OLFM4: variants seen among roughly 807,000 people sequenced by gnomAD.
OLFM4 encodes olfactomedin-4.
Under a neutral mutation model 25.5 loss-of-function variants are expected in OLFM4, and 22 were observed. The ratio of observed to expected loss-of-function variants is 0.86; its 90% CI spans 0.62 to 1.23. OLFM4 has a LOEUF of 1.23. Among genes scored for constraint, OLFM4 ranks in the 50% most tolerant of loss-of-function variants. The pLI is 0.00. For missense variants in OLFM4, 594 were observed against 619.4 expected, an observed-to-expected ratio of 0.96 and a Z score of 0.44; for synonymous variants, 255 against 237.7, an observed-to-expected ratio of 1.07 and a Z score of -0.67.
At chr13:53,039,317 G>A (rs1348200310) in intron 2 of OLFM4, among the ~76,000 whole-genome samples, 1 of 152,140 alleles carries the variant, frequency 6.6e-6, no homozygotes, top group Non-Finnish European at 1.5e-5. Context: ...AAGGTTTTAT[G>A]CCTGAGTTTT....
At chr13:53,034,593 A>G in intron 2 of OLFM4, 93 bp downstream of exon 2, 1 of 1,064,308 alleles carries the variant, frequency 9.4e-7, no homozygotes, top group Non-Finnish European at 1.3e-6. Flanking sequence ...ATTCTTCACT[A>G]TCAAAGACAT....
Position 53,029,471 on chromosome 13 carries a change from C to A in OLFM4, c.204+431C>A, listed in dbSNP as rs369829368. Among the ~76,000 whole-genome samples the A allele has an allele frequency of 1.8e-4, 27 of 152,276 alleles. No homozygotes were observed. In the South Asian group the frequency reaches 5.0e-3, roughly 28 times the overall value. On this transcript the variant is annotated intron_variant, in intron 1 of 4. Coordinates refer to ENST00000219022, the MANE Select transcript of OLFM4 (RefSeq NM_006418.5). ...TGTTAGGGAAAGACTCTGTGAGTTG[C>A]AGCTCTGGGAAGTTTGTCCAGTTGT...
At chr13:53,044,432 A>T (rs566138020) in intron 4 of OLFM4, among the ~76,000 whole-genome samples, 7 of 152,266 alleles carry the variant, frequency 4.6e-5, no homozygotes, top group African/African-American at 1.7e-4. Context: ...CAATCCTCAC[A>T]CCTGCTTTCT....
At chr13:53,030,666 C>T (rs964084949) in intron 1 of OLFM4, among the ~76,000 whole-genome samples, 1 of 152,184 alleles carries the variant, frequency 6.6e-6, no homozygotes, top group African/African-American at 2.4e-5. Flanking sequence ...GATGTGAAAA[C>T]TAAGGCTTAT....
At chr13:53,029,511 G>A (rs546347306) in intron 1 of OLFM4, among the ~76,000 whole-genome samples, 1 of 152,318 alleles carries the variant, frequency 6.6e-6, no homozygotes, top group South Asian at 2.1e-4. Context: ...CTGCCTGGCA[G>A]GATCCCGGAA....
Position 53,050,302 on chromosome 13 carries a change from C to G in OLFM4, c.1064C>G (p.Thr355Ser), listed in dbSNP as rs1954740032. Residue 355 changes from threonine (T) to serine (S), a missense_variant, in exon 5 of 5, where the codon ACC becomes AGC. Transcript: ENST00000219022. ...AATATTGCCAGAGTTAACCTGACCA[C>G]CAACACGATTGCTGTGACTCAAACT... ...TGNIARVNLT[T>S]NTIAVTQTLP... 5 of 1,614,064 alleles carry G rather than the reference C, an allele frequency of 3.1e-6. No individual in the cohort carries two copies. Among genetic ancestry groups the G allele is most frequent in the Non-Finnish European group, 4.2e-6 (5 of 1,179,970 alleles).
intron 2 of OLFM4, among the ~76,000 whole-genome samples, chr13:53,038,530 G>A (rs1006589390): frequency 1.3e-5 from 2 of 152,116 alleles, no homozygotes; most frequent in African/African-American, 2.4e-5. Context: ...TTTTGTGTGT[G>A]CATATATATC....
intron 1 of OLFM4, among the ~76,000 whole-genome samples, chr13:53,030,616 A>T (rs1954624392): frequency 6.6e-6 from 1 of 152,128 alleles, no homozygotes; most frequent in African/African-American, 2.4e-5. Context: ...TATCTTATTT[A>T]ACCCTAAGAG....
At chr13:53,047,118 T>C (rs2138241696) in intron 4 of OLFM4, among the ~76,000 whole-genome samples, 1 of 152,366 alleles carries the variant, frequency 6.6e-6, no homozygotes. Context: ...AATGATTCAA[T>C]GGTCTTTCAG....
rs1205284202 is a variant in OLFM4, at chr13:53,050,137, T to G, written c.899T>G (p.Leu300Trp). Residue 300 changes from leucine (L) to tryptophan (W), a missense_variant, in exon 5 of 5, where the codon TTG becomes TGG. Coordinates refer to ENST00000219022, the MANE Select transcript of OLFM4 (RefSeq NM_006418.5). ...VAPLNTDGRL[L>W]EYYRLYNTLD... The stretch of plus-strand genomic sequence containing the variant: ...CCATTGAATACAGATGGGAGACTGT[T>G]GGAGTATTATAGACTGTACAACACA... The G allele has an allele frequency of 6.2e-7, 1 of 1,614,030 alleles. No homozygotes were observed. The highest frequency in any genetic ancestry group is 1.7e-5 in the Admixed American group (1 of 59,998).
At chr13:53,029,319 G>A (rs73192475) in intron 1 of OLFM4, among the ~76,000 whole-genome samples, 1,958 of 152,160 alleles carry the variant, frequency 0.013, 19 homozygotes, top group African/African-American at 0.016. Flanking sequence ...ATGGGTGGCC[G>A]GGGGGACTCT....
Position 53,045,037 on chromosome 13 carries a change from C to G in OLFM4, c.730+1773C>G, listed in dbSNP as rs576375151. On this transcript the variant is annotated intron_variant, in intron 4 of 4. Transcript: ENST00000219022. ...GGAGAAGACGTGGATGGTAAGAACG[C>G]TGCTTTTCCTGAGGCCACACAAGTA... 4.6e-5 allele frequency among the ~76,000 whole-genome samples: 7 copies of G among 152,232 alleles called. No homozygotes were observed. The South Asian group carries it at 1.5e-3, about 32-fold the overall frequency.
At chr13:53,035,903 A>C (rs1257256032) in intron 2 of OLFM4, among the ~76,000 whole-genome samples, 1 of 152,220 alleles carries the variant, frequency 6.6e-6, no homozygotes, top group Non-Finnish European at 1.5e-5. Context: ...AATCAATTAG[A>C]AAAGTTCCTA....
chr13:53,047,407 G>A (rs964621526), intron 4 of OLFM4, among the ~76,000 whole-genome samples: 4 of 152,094 alleles, frequency 2.6e-5, no homozygotes, highest in Non-Finnish European at 2.9e-5. Flanking sequence ...GCCCGCCATA[G>A]CATTTTTCCT....
chr13:53,029,520 A>G (rs1349732200), intron 1 of OLFM4, among the ~76,000 whole-genome samples: 2 of 152,176 alleles, frequency 1.3e-5, no homozygotes, highest in Admixed American at 6.5e-5. Flanking sequence ...AGGATCCCGG[A>G]ATGGTGAACA....
At chr13:53,034,571 T>G (rs1010010146) in intron 2 of OLFM4, 71 bp downstream of exon 2, 11 of 1,342,770 alleles carry the variant, frequency 8.2e-6, no homozygotes, top group Non-Finnish European at 9.2e-6. Flanking sequence ...ATTTAGGATT[T>G]TATAAGCAAT....
At chr13:53,039,491 T>A (rs78044128) in intron 2 of OLFM4, among the ~76,000 whole-genome samples, 3,485 of 152,258 alleles carry the variant, frequency 0.023, 117 homozygotes, top group African/African-American at 0.077. Flanking sequence ...AAAATAACCA[T>A]GTAACAACAG....
At chr13:53,038,625 A>G (rs767554616) in intron 2 of OLFM4, among the ~76,000 whole-genome samples, 1 of 152,222 alleles carries the variant, frequency 6.6e-6, no homozygotes, top group Non-Finnish European at 1.5e-5. Flanking sequence ...ATAGACAAAA[A>G]TGTTATGCAG....
In OLFM4 at chr13:53,049,989, G is replaced by A. The variant is rs1373398655; in HGVS notation, c.751G>A (p.Val251Met). The change falls in exon 5 of 5, where the codon GTG becomes ATG. Residue 251 changes from valine (V) to methionine (M), a missense_variant. Val to Met is a conservative substitution (Grantham distance 21). Transcript: ENST00000219022. ...PTPGSCGHGG[V>M]VNISKPSVVQ... ...TATAGGGAGCTGTGGTCATGGTGGT[G>A]TGGTGAACATCAGCAAACCGTCTGT... 2.5e-6 allele frequency: 4 copies of A among 1,608,732 alleles called. No homozygotes were observed. Among genetic ancestry groups the A allele is most frequent in the Non-Finnish European group, 1.7e-6 (2 of 1,175,660 alleles).
Sources: allele counts gnomAD v4.1 joint callset (sites outside exome capture counted in the v4.1 genomes callset), GRCh38; gene constraint gnomAD v4.1.1; transcripts MANE v1.5; gene names NCBI Gene and HGNC (gene_info 2026-07-23, HGNC 2026-07-21).